The following LRP2 variants were observed in gnomAD, a reference collection of about 807,000 sequenced individuals.
LRP2 encodes the protein LDL receptor related protein 2.
A neutral mutation model predicts 531.0 loss-of-function variants in LRP2; 172 were observed. The observed-to-expected ratio is 0.32, with a 90% confidence interval of 0.29 to 0.37. The LOEUF (loss-of-function observed/expected upper bound fraction) is 0.37. Among genes scored for constraint, LRP2 ranks in the 10% least tolerant of loss-of-function variants. LRP2 has a pLI of 1.00. For missense variants in LRP2, 5,167 were observed against 5,868.3 expected (o/e 0.88, Z 3.90); for synonymous variants, 1,992 against 2,027.6 (o/e 0.98, Z 0.47).
At chr2:169,329,116 G>T (rs376240990) in intron 1 of LRP2, among the ~76,000 whole-genome samples, 1 of 152,060 alleles carries the variant, frequency 6.6e-6, no homozygotes, top group African/African-American at 2.4e-5. Context: ...TGACTTTGGC[G>T]AAAAAAATAA....
chr2:169,152,056 T>A (rs1457789852), intron 67 of LRP2, among the ~76,000 whole-genome samples: 2 of 152,228 alleles, frequency 1.3e-5, no homozygotes, highest in African/African-American at 2.4e-5. Context: ...AGGAATCATT[T>A]TCCCACCAAT....
At chr2:169,329,727 G>C (rs1367803706) in intron 1 of LRP2, among the ~76,000 whole-genome samples, 1 of 152,248 alleles carries the variant, frequency 6.6e-6, no homozygotes, top group African/African-American at 2.4e-5. Flanking sequence ...GCTGCTAGCA[G>C]AGAAGGGTCT....
chr2:169,293,575 T>C (rs969743488), intron 6 of LRP2, among the ~76,000 whole-genome samples: 1 of 152,132 alleles, frequency 6.6e-6, no homozygotes, highest in Non-Finnish European at 1.5e-5. Context: ...TTCGGGAGGC[T>C]GAAGCAGGAG....
chr2:169,199,152 T>C (rs1295835197), intron 44 of LRP2, among the ~76,000 whole-genome samples: 3 of 152,228 alleles, frequency 2.0e-5, no homozygotes, highest in African/African-American at 7.2e-5. Context: ...ACTTAAATCA[T>C]CTGTTTTCAT....
At chr2:169,221,177 G>A (rs959160175) in intron 33 of LRP2, among the ~76,000 whole-genome samples, 5 of 152,076 alleles carry the variant, frequency 3.3e-5, no homozygotes, top group Admixed American at 2.6e-4. Flanking sequence ...TAGACCTTAC[G>A]GGACTAAGAG....
chr2:169,261,821 T>G (rs1223315076), intron 16 of LRP2, among the ~76,000 whole-genome samples: 1 of 152,108 alleles, frequency 6.6e-6, no homozygotes, highest in Admixed American at 6.6e-5. Flanking sequence ...ATATCCTTGA[T>G]GAACATTGAT....
chr2:169,161,457 T>C (rs1477084734), intron 63 of LRP2, among the ~76,000 whole-genome samples: 1 of 152,166 alleles, frequency 6.6e-6, no homozygotes, highest in African/African-American at 2.4e-5. Flanking sequence ...TCCCTCTACT[T>C]TCTTTTTTGT....
In LRP2 at chr2:169,129,003, T is replaced by C. The variant is rs370043394; in HGVS notation, c.13800+10A>G. ...AAATGTCTGTGCTAAGAAAAATTGTTAAAAATTACCTGTGCATAGATTGGA... is the reference window on the plus strand; with the variant it reads ...AAATGTCTGTGCTAAGAAAAATTGTCAAAAATTACCTGTGCATAGATTGGA... On this transcript the variant is annotated intron_variant, in intron 78 of 78. Transcript: ENST00000649046. The C allele has an allele frequency of 1.2e-6, 2 of 1,602,344 alleles. No individual in the cohort carries two copies. The highest frequency in any genetic ancestry group is 1.7e-4 in the Middle Eastern group (1 of 6,058).
At chr2:169,158,059 T>TAC (rs765403252) in intron 63 of LRP2, among the ~76,000 whole-genome samples, 158 of 82,572 alleles carry the variant, frequency 1.9e-3, no homozygotes, top group Admixed American at 3.4e-3. Context: ...CAATTGATTA[T>TAC]ATACACACAC....
Position 169,241,148 on chromosome 2 carries a change from G to A in LRP2, c.3885C>T (p.Asp1295=). 1 of 1,614,190 alleles carries A rather than the reference G, an allele frequency of 6.2e-7. No homozygotes were observed. The highest frequency in any genetic ancestry group is 1.1e-5 in the South Asian group (1 of 91,080). Residue 1295 remains aspartate (D), a synonymous_variant, in exon 25 of 79, where the codon GAC becomes GAT. Transcript: ENST00000649046. Reference sequence around the variant, plus strand: ...CCTTCTCATCACTCATATCCCCGCAGTCATTGTCCCGATCACAGAGCCATG... The same window carrying A: ...CCTTCTCATCACTCATATCCCCGCAATCATTGTCCCGATCACAGAGCCATG... ...HRAWLCDRDN[D]CGDMSDEKDC...
At chr2:169,256,294 C>A (rs1279470243) in intron 18 of LRP2, 58 bp from the exon 19 acceptor site, 22 of 1,444,400 alleles carry the variant, frequency 1.5e-5, no homozygotes, top group Non-Finnish European at 2.1e-5. Flanking sequence ...GCACCCTTTA[C>A]ACAAAGGGCA....
intron 35 of LRP2, among the ~76,000 whole-genome samples, chr2:169,215,371 T>C (rs952465526): frequency 2.0e-5 from 3 of 152,294 alleles, no homozygotes; most frequent in Admixed American, 6.5e-5. Flanking sequence ...GCATTGTCTA[T>C]GTGCTTAGCC....
chr2:169,264,046 T>C (rs1484661943), intron 16 of LRP2, among the ~76,000 whole-genome samples: 1 of 151,936 alleles, frequency 6.6e-6, no homozygotes, highest in Non-Finnish European at 1.5e-5. Context: ...AATTGAACAA[T>C]GAGAACACAT....
chr2:169,238,223 G>A lies in LRP2; in HGVS notation c.4374C>T (p.Ile1458=), dbSNP rs769996614. Residue 1458 remains isoleucine (I), a synonymous_variant, in exon 27 of 79, where the codon ATC becomes ATT. Transcript: ENST00000649046. Reference sequence around the variant, plus strand: ...AAGAACCATTCTCGACCAATGAATAGATATTGTGGACCTGGGAGGTGACAC... The same window carrying A: ...AAGAACCATTCTCGACCAATGAATAAATATTGTGGACCTGGGAGGTGACAC... ...ADSVTSQVHN[I]YSLVENGSYI... 15 of 1,613,980 alleles carry A rather than the reference G, an allele frequency of 9.3e-6. No homozygotes were observed. The highest frequency in any genetic ancestry group is 1.1e-5 in the Non-Finnish European group (13 of 1,179,970).
chr2:169,159,536 T>C (rs905130755), intron 63 of LRP2, among the ~76,000 whole-genome samples: 6 of 152,208 alleles, frequency 3.9e-5, no homozygotes, highest in African/African-American at 1.4e-4. Flanking sequence ...TCTTAACAAC[T>C]GTACATTGTT....
At chr2:169,189,849 G>T (rs116568823) in intron 48 of LRP2, among the ~76,000 whole-genome samples, 2,726 of 151,428 alleles carry the variant, frequency 0.018, 45 homozygotes, top group East Asian at 0.087. Context: ...AATTCAGAAA[G>T]CTCAAGGAAA....
intron 32 of LRP2, among the ~76,000 whole-genome samples, chr2:169,225,814 C>T (rs906687842): frequency 6.6e-6 from 1 of 152,004 alleles, no homozygotes; most frequent in Admixed American, 6.6e-5. Flanking sequence ...TCTTCTCTTC[C>T]TCCTTTATAG....
In LRP2 at chr2:169,205,515, T is replaced by G. The variant is rs575787947; in HGVS notation, c.7679A>C (p.Tyr2560Ser). Residue 2560 changes from tyrosine (Y) to serine (S), a missense_variant, in exon 41 of 79, where the codon TAT becomes TCT. Tyr to Ser is a moderately radical substitution (Grantham distance 144). Around this residue, in one of 6 missense-constraint regions of LRP2, gnomAD observed 1,129 missense variants for 1,362.7 expected, o/e 0.83. Coordinates refer to ENST00000649046, the MANE Select transcript of LRP2 (RefSeq NM_004525.3). ...CACCCAGTAGAGAAGGTCCTCTTCATAGTCCAGAGTCAGCCCACTGGGCAT... is the reference window on the plus strand; with the variant it reads ...CACCCAGTAGAGAAGGTCCTCTTCAGAGTCCAGAGTCAGCCCACTGGGCAT... ...LVMPSGLTLD[Y>S]EEDLLYWVDA... The G allele has an allele frequency of 3.1e-6, 5 of 1,614,182 alleles. No homozygotes were observed. In the South Asian group the frequency reaches 4.4e-5, roughly 14 times the overall value.
At chr2:169,351,742 C>T (rs1489576394) in intron 1 of LRP2, among the ~76,000 whole-genome samples, 2 of 152,162 alleles carry the variant, frequency 1.3e-5, no homozygotes, top group Non-Finnish European at 2.9e-5. Flanking sequence ...TCAAGCGAGG[C>T]TAGTCAGTAT....
Sources: gnomAD v4.1 joint callset for allele counts (sites outside exome capture counted in the v4.1 genomes callset) on GRCh38, gnomAD v4.1.1 for gene constraint, gnomAD v4.1.1 regional missense constraint, MANE v1.5 for transcripts, NCBI Gene and HGNC (gene_info 2026-07-23, HGNC 2026-07-21) for gene names.